The following MNT variants were observed in gnomAD, a reference collection of about 807,000 sequenced individuals.
The protein encoded by MNT is max-binding protein MNT.
In MNT, 13 loss-of-function variants were observed where a neutral mutation model predicts 40.7. The observed-to-expected ratio is 0.32, with a 90% confidence interval of 0.21 to 0.51. MNT has a LOEUF of 0.51. Ranked by LOEUF, MNT falls within the 20% of genes least tolerant of loss-of-function variation. The probability of loss-of-function intolerance (pLI) is 0.98; values close to 1 mark genes in which losing one functional copy is unlikely to be tolerated. For synonymous variants in MNT, 426 were observed against 354.8 expected (o/e 1.20, Z -2.26); for missense variants, 757 against 792.0 (o/e 0.96, Z 0.53).
Position 2,387,196 on chromosome 17 carries a change from G to T in MNT, c.1454C>A (p.Thr485Lys). The change falls in exon 6 of 6, where the codon ACA becomes AAA. Residue 485 changes from threonine (T) to lysine (K), a missense_variant. Transcript: ENST00000174618. ...PSPAVQLAPATPPIGHITVHP... is the reference protein window; with the variant it reads ...PSPAVQLAPAKPPIGHITVHP... Reference sequence around the variant, plus strand: ...CACAGTGATGTGCCCAATGGGGGGTGTGGCAGGCGCCAGTTGCACCGCAGG... The same window carrying T: ...CACAGTGATGTGCCCAATGGGGGGTTTGGCAGGCGCCAGTTGCACCGCAGG... The T allele has an allele frequency of 6.2e-7, 1 of 1,607,762 alleles. No homozygotes were observed. The highest frequency in any genetic ancestry group is 8.5e-7 in the Non-Finnish European group (1 of 1,177,958).
In MNT at chr17:2,385,836, A is replaced by G. The variant is rs549981897; in HGVS notation, c.*1065T>C. 6.6e-6 allele frequency: 1 copy of G among 152,404 alleles called. No homozygotes were observed. The highest frequency in any genetic ancestry group is 2.4e-5 in the African/African-American group (1 of 41,560). The allele number at this position is 152,404 out of a possible 1,614,324, so 9.4% of individuals were successfully genotyped here. ...GGGTTTTTACCTTCCTGATGTCTCA[A>G]CGATGTGGCTTCTATGCTCCTGGAA... On this transcript the variant is annotated 3_prime_UTR_variant, in exon 6 of 6. Coordinates refer to ENST00000174618, the MANE Select transcript of MNT (RefSeq NM_020310.3).
chr17:2,398,535 A>G (rs559414567), intron 1 of MNT, among the ~76,000 whole-genome samples: 6 of 152,276 alleles, frequency 3.9e-5, no homozygotes, highest in African/African-American at 1.2e-4. Flanking sequence ...GAAGAAAATG[A>G]ATTCTGGAGG....
Position 2,394,359 on chromosome 17 carries a change from C to A in MNT, c.654-13G>T. ...TCTGGTTCCGATCCTGAAACCCAGA[C>A]AGATAGGAGGCTCAGGGAGGAGGAC... On this transcript the variant is annotated splice_polypyrimidine_tract_variant and intron_variant, in intron 2 of 5. Coordinates refer to ENST00000174618, the MANE Select transcript of MNT (RefSeq NM_020310.3). The A allele has an allele frequency of 1.9e-6, 3 of 1,613,954 alleles. No individual in the cohort carries two copies. The highest frequency in any genetic ancestry group is 2.5e-6 in the Non-Finnish European group (3 of 1,179,982).
intron 1 of MNT, among the ~76,000 whole-genome samples, chr17:2,398,733 C>A (rs1208588655): frequency 6.6e-6 from 1 of 152,226 alleles, no homozygotes; most frequent in Non-Finnish European, 1.5e-5. Flanking sequence ...GTGACTTAAT[C>A]TCTCCGAACC....
chr17:2,393,849 C>A (rs1320621695), intron 4 of MNT, 194 bp downstream of exon 4: 1 of 298,926 alleles, frequency 3.3e-6, no homozygotes, highest in East Asian at 6.0e-5. Context: ...GCGCCCTCCT[C>A]TGCGCACGCG....
At chr17:2,395,517 TC>T in intron 1 of MNT, 63 bp from the exon 2 acceptor site, 1 of 1,597,580 alleles carries the variant, frequency 6.3e-7, no homozygotes, top group Non-Finnish European at 8.5e-7. Flanking sequence ...CAGCCCTAAC[TC>T]GTCCTCTGAC....
intron 4 of MNT, chr17:2,389,456 G>A (rs1019201962): frequency 7.2e-5 from 11 of 152,016 alleles, no homozygotes; most frequent in African/African-American, 2.4e-4. Context: ...TATATTTGTA[G>A]TAGAGACAGG....
chr17:2,394,192 G>A, intron 3 of MNT, 38 bp from the exon 4 acceptor site: 1 of 1,604,966 alleles, frequency 6.2e-7, no homozygotes, highest in Middle Eastern at 1.8e-4. Flanking sequence ...CGGTGCCTGG[G>A]GCGGGGCTGG....
At chr17:2,394,822 G>A in intron 2 of MNT, 53 bp downstream of exon 2, 2 of 1,359,442 alleles carry the variant, frequency 1.5e-6, no homozygotes, top group Non-Finnish European at 2.0e-6. Flanking sequence ...CAGCCCGGGG[G>A]ATGGGCACCT....
chr17:2,391,824 C>T (rs7210455), intron 4 of MNT: 6,264 of 152,360 alleles, frequency 0.041, 189 homozygotes, highest in East Asian at 0.11. Flanking sequence ...TTCTTAGAGA[C>T]GGAGGTCGCA....
At chr17:2,392,471 A>G (rs2066526014) in intron 4 of MNT, among the ~76,000 whole-genome samples, 1 of 152,202 alleles carries the variant, frequency 6.6e-6, no homozygotes, top group South Asian at 2.1e-4. Flanking sequence ...GTATCTGCAA[A>G]GAGGAACTCG....
chr17:2,392,817 T>C (rs1204564328), intron 4 of MNT: 1 of 151,678 alleles, frequency 6.6e-6, no homozygotes, highest in African/African-American at 2.4e-5. Flanking sequence ...CCCTCCCGGC[T>C]GCCCGGAAGC....
intron 1 of MNT, among the ~76,000 whole-genome samples, chr17:2,399,428 C>T (rs1012045623): frequency 3.3e-5 from 5 of 152,186 alleles, no homozygotes; most frequent in Admixed American, 1.3e-4. Flanking sequence ...ATAGTTGGAA[C>T]GTTTTGGGGG....
chr17:2,387,873 G>A lies in MNT; in HGVS notation c.984C>T (p.Ser328=), dbSNP rs369173417. ...QTGQPEDDQA[S]TSTASEGEDN... ...GGGGCTCACCAGAGGCGGTGGAGGT[G>A]GAGGCCTGGTCATCCTCGGGCTGGC... The change falls in exon 5 of 6, where the codon TCC becomes TCT. Residue 328 remains serine (S), a synonymous_variant. Coordinates refer to ENST00000174618, the MANE Select transcript of MNT (RefSeq NM_020310.3). 10 of 1,599,958 alleles carry A rather than the reference G, an allele frequency of 6.3e-6. No individual in the cohort carries two copies. Among genetic ancestry groups the A allele is most frequent in the Non-Finnish European group, 7.6e-6 (9 of 1,177,700 alleles).
rs1427722324 is a variant in MNT at position 2,387,030 on chromosome 17, A to G, written c.1620T>C (p.Thr540=). 1 of 1,550,430 alleles carries G rather than the reference A, an allele frequency of 6.4e-7. No individual in the cohort carries two copies. Among genetic ancestry groups the G allele is most frequent in the Admixed American group, 2.0e-5 (1 of 51,174 alleles). ...CCCCCACGGCCGGCTTTGCCATGAC[A>G]GTAGCCGGGGGCCCCAGGCCGGCCG... is the stretch of plus-strand genomic sequence containing the variant. ...NGTAGLGPPA[T]VMAKPAVGAQ... The change falls in exon 6 of 6, where the codon ACT becomes ACC. Residue 540 remains threonine (T), a synonymous_variant. Coordinates refer to ENST00000174618, the MANE Select transcript of MNT (RefSeq NM_020310.3).
chr17:2,387,234 G>C lies in MNT; in HGVS notation c.1416C>G (p.Pro472=). 3.7e-6 allele frequency: 6 copies of C among 1,612,240 alleles called. No individual in the cohort carries two copies. The highest frequency in any genetic ancestry group is 5.1e-6 in the Non-Finnish European group (6 of 1,179,442). Residue 472 remains proline, a synonymous_variant, in exon 6 of 6, where the codon CCC becomes CCG. Transcript: ENST00000174618. The stretch of plus-strand genomic sequence containing the variant: ...GTTGCACCGCAGGGCTGGGGGCCGA[G>C]GGGGCGATGTGGGCGATGTGCTTGC... ...PGGKHIAHIA[P]SAPSPAVQLA... is the part of the protein sequence containing the mutation.
chr17:2,387,191 G>C lies in MNT; in HGVS notation c.1459C>G (p.Pro487Ala), dbSNP rs2066470593. The C allele has an allele frequency of 1.9e-6, 3 of 1,608,596 alleles. No individual in the cohort carries two copies. In the East Asian group the frequency reaches 6.7e-5, roughly 36 times the overall value. Reference sequence around the variant, plus strand: ...GGGTGCACAGTGATGTGCCCAATGGGGGGTGTGGCAGGCGCCAGTTGCACC... The same window carrying C: ...GGGTGCACAGTGATGTGCCCAATGGCGGGTGTGGCAGGCGCCAGTTGCACC... ...PAVQLAPATP[P>A]IGHITVHPAT... Residue 487 changes from proline to alanine, a missense_variant, in exon 6 of 6, where the codon CCC becomes GCC. Transcript: ENST00000174618.
Position 2,394,908 on chromosome 17 carries a change from ACTT to A in MNT, c.617_619del (p.Glu206del), listed in dbSNP as rs1597420915. 4.4e-6 allele frequency: 7 copies of A among 1,602,114 alleles called. No homozygotes were observed. Among genetic ancestry groups the A allele is most frequent in the Non-Finnish European group, 6.0e-6 (7 of 1,175,130 alleles). On this transcript the variant is annotated inframe_deletion, in exon 2 of 6. Transcript: ENST00000174618. ...CCTCTTCTTCTGTTCACTGGATTTG[ACTT>A]CTTCAGCTGGTGCCAACTTCAGGGT...
chr17:2,387,210 T>G lies in MNT; in HGVS notation c.1440A>C (p.Gln480His), dbSNP rs199768323. 6.2e-7 allele frequency: 1 copy of G among 1,609,058 alleles called. No individual in the cohort carries two copies. The highest frequency in any genetic ancestry group is 1.7e-5 in the Admixed American group (1 of 58,916). Residue 480 changes from glutamine (Q) to histidine (H), a missense_variant, in exon 6 of 6, where the codon CAA (glutamine) becomes CAC (histidine). Around this residue, in one of 4 missense-constraint regions of MNT, gnomAD observed 345 missense variants for 380.1 expected, o/e 0.91. Transcript: ENST00000174618. ...IAPSAPSPAV[Q>H]LAPATPPIGH... ...CAATGGGGGGTGTGGCAGGCGCCAG[T>G]TGCACCGCAGGGCTGGGGGCCGAGG... is the stretch of plus-strand genomic sequence containing the variant.
Sources: allele counts gnomAD v4.1 joint callset (sites outside exome capture counted in the v4.1 genomes callset), GRCh38; gene constraint gnomAD v4.1.1; regional missense constraint gnomAD v4.1.1; transcripts MANE v1.5; gene names NCBI Gene and HGNC (gene_info 2026-07-23, HGNC 2026-07-21).